TUSC3: variants seen among roughly 807,000 people sequenced by gnomAD.
TUSC3 encodes the protein tumor suppressor candidate 3, also known as dolichyl-diphosphooligosaccharide--protein glycosyltransferase subunit TUSC3.
TUSC3 carries 45 observed loss-of-function variants against 44.8 expected under a neutral mutation model. That is an observed-to-expected ratio of 1.00 (90% CI 0.79 to 1.29). The LOEUF (loss-of-function observed/expected upper bound fraction) is 1.29, where lower values mean the gene tolerates loss of function less well. TUSC3 is among the 50% of genes most tolerant of loss of function. The pLI, the probability that TUSC3 is intolerant of heterozygous loss-of-function variation, is 0.00. For missense variants in TUSC3, 519 were observed against 437.9 expected, an observed-to-expected ratio of 1.19 and a Z score of -1.65; for synonymous variants, 212 against 152.9, an observed-to-expected ratio of 1.39 and a Z score of -2.85.
At chr8:15,747,957 C>G (rs1049996876) in intron 8 of TUSC3, among the ~76,000 whole-genome samples, 1 of 152,114 alleles carries the variant, frequency 6.6e-6, no homozygotes, top group Non-Finnish European at 1.5e-5. Flanking sequence ...ATTAAGCATT[C>G]TAACAATGCA....
chr8:15,453,249 C>T lies in TUSC3; in HGVS notation n.92-30137C>T, dbSNP rs1393574876. Among the ~76,000 whole-genome samples, 5 of 45,266 alleles carry T rather than the reference C, an allele frequency of 1.1e-4. No homozygotes were observed. In the East Asian group the frequency reaches 1.9e-3, roughly 17 times the overall value. The allele number at this position is 45,266 out of a possible 152,430, so 29.7% of individuals were successfully genotyped here. On this transcript the variant is annotated intron_variant and non_coding_transcript_variant, in intron 1 of 5. Coordinates refer to the TUSC3 transcript ENST00000503191. ...TAGCGTGGTAATGATTATTACTTGC[C>T]ATAATTATTTTCAAATTTTAACCAT...
At chr8:15,675,593 C>T (rs1017402821) in intron 6 of TUSC3, among the ~76,000 whole-genome samples, 9 of 151,966 alleles carry the variant, frequency 5.9e-5, no homozygotes, top group African/African-American at 2.2e-4. Flanking sequence ...GTTTTTCAGC[C>T]CCTTCCTCCT....
At chr8:15,561,415 G>T (rs1261241521) in intron 1 of TUSC3, among the ~76,000 whole-genome samples, 1 of 139,480 alleles carries the variant, frequency 7.2e-6, no homozygotes, top group African/African-American at 2.7e-5. Context: ...AAAGCTGTCA[G>T]ACAGGGACAT....
chr8:15,679,093 A>T (rs1355807869), intron 6 of TUSC3, among the ~76,000 whole-genome samples: 1 of 152,112 alleles, frequency 6.6e-6, no homozygotes, highest in Non-Finnish European at 1.5e-5. Context: ...TTTTGGTAGA[A>T]CTGTTTATTT....
intron 1 of TUSC3, among the ~76,000 whole-genome samples, chr8:15,450,165 C>A (rs184141645): frequency 1.3e-5 from 2 of 152,264 alleles, no homozygotes; most frequent in East Asian, 3.9e-4. Flanking sequence ...TTACTACTAA[C>A]ATTATTTGTT....
intron 1 of TUSC3, among the ~76,000 whole-genome samples, chr8:15,422,576 A>C (rs7827410): frequency 0.19 from 28,363 of 152,058 alleles, 2,879 homozygotes; most frequent in African/African-American, 0.25. Context: ...GGTAGATTTT[A>C]ACTGCCTTCA....
the TUSC3 span, among the ~76,000 whole-genome samples, chr8:15,785,880 G>A: frequency 4.4e-3 from 660 of 151,650 alleles, 4 homozygotes; most frequent in African/African-American, 0.015. Context: ...CATTTCAGAA[G>A]TTCTATGCTG....
intron 1 of TUSC3, among the ~76,000 whole-genome samples, chr8:15,472,568 G>A (rs1326235353): frequency 6.6e-6 from 1 of 152,042 alleles, no homozygotes; most frequent in Non-Finnish European, 1.5e-5. Context: ...CCAAATCCAA[G>A]CTTTTAGTTC....
intron 2 of TUSC3, among the ~76,000 whole-genome samples, chr8:15,508,962 T>C (rs1433895928): frequency 6.6e-6 from 1 of 152,194 alleles, no homozygotes; most frequent in Non-Finnish European, 1.5e-5. Flanking sequence ...GTTATATAAC[T>C]GTCTCAGGTT....
intron 7 of TUSC3, among the ~76,000 whole-genome samples, chr8:15,736,899 T>C (rs938878935): frequency 6.6e-6 from 1 of 152,152 alleles, no homozygotes; most frequent in Non-Finnish European, 1.5e-5. Flanking sequence ...TAGGATAAGC[T>C]TTAGTGTCAA....
the TUSC3 span, chr8:15,806,618 G>A: frequency 3.5e-6 from 5 of 1,426,896 alleles, no homozygotes; most frequent in African/African-American, 1.4e-5. Flanking sequence ...ATCTTCTTCA[G>A]ATCTTTCAGT....
the TUSC3 span, among the ~76,000 whole-genome samples, chr8:15,833,410 T>TA: frequency 6.6e-6 from 1 of 152,148 alleles, no homozygotes; most frequent in South Asian, 2.1e-4. Context: ...CATACACACA[T>TA]ACGTTTATTC....
intron 2 of TUSC3, among the ~76,000 whole-genome samples, chr8:15,487,937 A>G (rs1800755116): frequency 6.7e-6 from 1 of 149,496 alleles, no homozygotes; most frequent in Non-Finnish European, 1.5e-5. Flanking sequence ...GAAGAGTAGC[A>G]GCATATTATT....
At chr8:15,526,252 C>T (rs147000824) in intron 2 of TUSC3, among the ~76,000 whole-genome samples, 86 of 152,168 alleles carry the variant, frequency 5.7e-4, no homozygotes, top group Non-Finnish European at 1.0e-3. Context: ...CCAGGGTGGT[C>T]TCGATCTCCT....
intron 1 of TUSC3, among the ~76,000 whole-genome samples, chr8:15,452,506 T>C (rs1031977444): frequency 6.6e-6 from 1 of 152,058 alleles, no homozygotes; most frequent in Non-Finnish European, 1.5e-5. Context: ...TTCTCAAACT[T>C]TAAAAGGTAA....
chr8:15,613,772 G>C (rs73524583), intron 1 of TUSC3, among the ~76,000 whole-genome samples: 2,272 of 152,190 alleles, frequency 0.015, 48 homozygotes, highest in African/African-American at 0.053. Context: ...AGATATTTCT[G>C]TTCTCCTTTA....
chr8:15,468,032 A>T (rs540131014), intron 1 of TUSC3, among the ~76,000 whole-genome samples: 1 of 152,338 alleles, frequency 6.6e-6, no homozygotes, highest in African/African-American at 2.4e-5. Flanking sequence ...TAAATAGGTA[A>T]AATACTGATT....
intron 1 of TUSC3, among the ~76,000 whole-genome samples, chr8:15,461,827 T>C (rs1416417540): frequency 1.3e-5 from 2 of 151,948 alleles, no homozygotes; most frequent in African/African-American, 2.4e-5. Context: ...GATTTGTATA[T>C]ATAATCAAAT....
chr8:15,540,555 A>AG lies in TUSC3; in HGVS notation c.126dup (p.Lys43GlufsTer9). ...CTCTGCATCCAGCTCGGGGGAGGACAGAAGAAAAAGGAGGTAGAATGGATC... is the reference window on the plus strand; with the variant it reads ...CTCTGCATCCAGCTCGGGGGAGGACAGGAAGAAAAAGGAGGTAGAATGGATC... On this transcript the variant is annotated frameshift_variant, in exon 1 of 11. Coordinates refer to ENST00000503731, the MANE Select transcript of TUSC3 (RefSeq NM_006765.4). LOFTEE classifies it high-confidence loss of function. 1 of 1,590,736 alleles carries AG rather than the reference A, an allele frequency of 6.3e-7. No homozygotes were observed. The highest frequency in any genetic ancestry group is 8.6e-7 in the Non-Finnish European group (1 of 1,169,360).
Sources: allele counts gnomAD v4.1 joint callset (sites outside exome capture counted in the v4.1 genomes callset), GRCh38; gene constraint gnomAD v4.1.1; transcripts MANE v1.5; gene names NCBI Gene and HGNC (gene_info 2026-07-23, HGNC 2026-07-21).